Variants in EXOC6 observed in about 807,000 individuals in gnomAD.
EXOC6 encodes exocyst complex component 6, also known as SEC15-like 1.
Under a neutral mutation model 112.5 loss-of-function variants are expected in EXOC6, and 60 were observed. That is an observed-to-expected ratio of 0.53 (90% CI 0.43 to 0.66). EXOC6 has a LOEUF of 0.66. Ranked by LOEUF, EXOC6 falls within the 30% of genes least tolerant of loss-of-function variation. The pLI, the probability that EXOC6 is intolerant of heterozygous loss-of-function variation, is 0.00. For synonymous variants in EXOC6, 295 were observed against 308.0 expected, an observed-to-expected ratio of 0.96 and a Z score of 0.44; for missense variants, 855 against 957.1, an observed-to-expected ratio of 0.89 and a Z score of 1.41.
intron 17 of EXOC6, among the ~76,000 whole-genome samples, chr10:92,964,941 T>C (rs1332250690): frequency 6.6e-6 from 1 of 152,186 alleles, no homozygotes; most frequent in Non-Finnish European, 1.5e-5. Flanking sequence ...CCTCACATCG[T>C]CATGTCCTGT....
At chr10:92,826,959 A>T (rs1045839959) in intron 1 of EXOC6, among the ~76,000 whole-genome samples, 2 of 152,182 alleles carry the variant, frequency 1.3e-5, no homozygotes, top group Admixed American at 6.5e-5. Context: ...GGAGCAAGAG[A>T]TGACATCAGG....
chr10:92,839,915 G>A (rs1369575240), intron 1 of EXOC6, among the ~76,000 whole-genome samples: 4 of 151,980 alleles, frequency 2.6e-5, no homozygotes, highest in African/African-American at 9.7e-5. Flanking sequence ...AAAGGGAATT[G>A]TACAAGATGA....
intron 20 of EXOC6, among the ~76,000 whole-genome samples, chr10:93,043,829 C>A (rs1284268057): frequency 6.6e-6 from 1 of 152,194 alleles, no homozygotes; most frequent in African/African-American, 2.4e-5. Flanking sequence ...TATTTAGTTT[C>A]TCTTTTTTAA....
chr10:92,946,906 T>C lies in EXOC6; in HGVS notation c.1311-1368T>C, dbSNP rs12260134. ...ACTCTGATAGTCACTTCCTTCTTTG[T>C]CCTGTTTCTGAACCTTGTACTTCTT... On this transcript the variant is annotated intron_variant, in intron 13 of 21. Coordinates refer to ENST00000260762, the MANE Select transcript of EXOC6 (RefSeq NM_019053.6). Among the ~76,000 whole-genome samples the C allele has an allele frequency of 2.2e-3, 328 of 152,316 alleles. 2 individuals carry two copies. The highest frequency in any genetic ancestry group is 7.6e-3 in the African/African-American group (317 of 41,572).
chr10:92,984,978 A>G (rs997159220), intron 18 of EXOC6, among the ~76,000 whole-genome samples: 3 of 152,042 alleles, frequency 2.0e-5, no homozygotes, highest in Non-Finnish European at 2.9e-5. Context: ...CAGCCTGGGC[A>G]ACAGAGCAAG....
At chr10:92,994,750 A>G (rs536072592) in intron 18 of EXOC6, among the ~76,000 whole-genome samples, 1 of 152,032 alleles carries the variant, frequency 6.6e-6, no homozygotes, top group South Asian at 2.1e-4. Flanking sequence ...AAAATGATAT[A>G]TTATTAAAGG....
intron 20 of EXOC6, among the ~76,000 whole-genome samples, chr10:93,042,007 G>A (rs548691421): frequency 1.1e-4 from 17 of 152,274 alleles, no homozygotes; most frequent in African/African-American, 3.9e-4. Context: ...CACTGCGCCC[G>A]GCCAGCTTCC....
At position 92,984,956 on chromosome 10, in the gene EXOC6, A is replaced by T. The variant is rs569880218; in HGVS notation, c.1953+10724A>T. Among the ~76,000 whole-genome samples, 7 of 152,238 alleles carry T rather than the reference A, an allele frequency of 4.6e-5. No individual in the cohort carries two copies. The South Asian group carries it at 1.5e-3, about 32-fold the overall frequency. On this transcript the variant is annotated intron_variant, in intron 18 of 21. Transcript: ENST00000260762. ...CTAGGCTGCAGTGAGCCATGATTGCATCACTGCACTCCAGCCTGGGCAACA... is the reference window on the plus strand; with the variant it reads ...CTAGGCTGCAGTGAGCCATGATTGCTTCACTGCACTCCAGCCTGGGCAACA...
At chr10:93,007,566 T>C (rs1275983712) in intron 19 of EXOC6, among the ~76,000 whole-genome samples, 9 of 152,068 alleles carry the variant, frequency 5.9e-5, no homozygotes, top group Admixed American at 5.2e-4. Context: ...GGCAGGAGAA[T>C]TGCTTGAACC....
At chr10:92,890,712 A>G (rs1849457089) in intron 1 of EXOC6, among the ~76,000 whole-genome samples, 1 of 152,142 alleles carries the variant, frequency 6.6e-6, no homozygotes, top group Non-Finnish European at 1.5e-5. Flanking sequence ...TCTAGATAGC[A>G]TAGATGGGAA....
At chr10:93,046,662 A>G (rs1055661196) in intron 20 of EXOC6, among the ~76,000 whole-genome samples, 3 of 150,962 alleles carry the variant, frequency 2.0e-5, no homozygotes, top group Non-Finnish European at 4.4e-5. Context: ...CAATGGCATG[A>G]TCTCGGCTCA....
upstream of EXOC6, among the ~76,000 whole-genome samples, chr10:92,830,350 G>A (rs1173715985): frequency 6.6e-6 from 1 of 152,156 alleles, no homozygotes; most frequent in Non-Finnish European, 1.5e-5. Flanking sequence ...CTTAAAAAAA[G>A]GTTAATTTCC....
chr10:92,948,567 T>TACC (rs1312249445), intron 14 of EXOC6, among the ~76,000 whole-genome samples, 188 bp downstream of exon 14: 2 of 114,864 alleles, frequency 1.7e-5, no homozygotes, highest in Non-Finnish European at 3.5e-5. Flanking sequence ...CTACTACTAC[T>TACC]ACTACCACTA....
chr10:92,963,532 A>ATT (rs5787026), intron 17 of EXOC6, among the ~76,000 whole-genome samples: 1,605 of 141,368 alleles, frequency 0.011, 37 homozygotes, highest in African/African-American at 0.037. Flanking sequence ...ATAAAGAGCA[A>ATT]TTTTTTTTTT....
chr10:92,966,338 C>G (rs1436751583), intron 17 of EXOC6, among the ~76,000 whole-genome samples: 4 of 147,912 alleles, frequency 2.7e-5, no homozygotes, highest in Non-Finnish European at 4.5e-5. Flanking sequence ...GCACAATGTG[C>G]AGGTTAGTTA....
At chr10:92,942,152 A>G (rs1852704438) in intron 13 of EXOC6, among the ~76,000 whole-genome samples, 1 of 152,206 alleles carries the variant, frequency 6.6e-6, no homozygotes, top group Non-Finnish European at 1.5e-5. Context: ...GCACTTTGGG[A>G]GGCCAAGATG....
At chr10:92,892,495 A>G (rs1750849107) in intron 1 of EXOC6, among the ~76,000 whole-genome samples, 1 of 152,196 alleles carries the variant, frequency 6.6e-6, no homozygotes, top group African/African-American at 2.4e-5. Flanking sequence ...GACTGCCCAC[A>G]TTGCTGACCT....
At chr10:93,034,586 GA>G (rs1412379681) in intron 20 of EXOC6, among the ~76,000 whole-genome samples, 1 of 152,192 alleles carries the variant, frequency 6.6e-6, no homozygotes, top group Non-Finnish European at 1.5e-5. Flanking sequence ...TCTTATGAAG[GA>G]ATTGTTTGGC....
chr10:93,051,260 G>A (rs971686755), intron 20 of EXOC6, among the ~76,000 whole-genome samples: 4 of 152,020 alleles, frequency 2.6e-5, no homozygotes, highest in African/African-American at 9.7e-5. Flanking sequence ...CAGTTCACCT[G>A]AGTGAAGTTA....
Sources: allele counts gnomAD v4.1 joint callset (sites outside exome capture counted in the v4.1 genomes callset), GRCh38; gene constraint gnomAD v4.1.1; transcripts MANE v1.5; gene names NCBI Gene and HGNC (gene_info 2026-07-23, HGNC 2026-07-21).